Variants in AATK observed in about 807,000 individuals in gnomAD.
AATK encodes serine/threonine-protein kinase LMTK1.
In AATK, 91 loss-of-function variants were observed where a neutral mutation model predicts 114.3. The ratio of observed to expected loss-of-function variants is 0.80; its 90% CI spans 0.67 to 0.95. The LOEUF is 0.95. Among genes scored for constraint, AATK ranks in the 40% least tolerant of loss-of-function variants. The probability of loss-of-function intolerance (pLI) is 0.00; values close to 1 mark genes in which losing one functional copy is unlikely to be tolerated. For synonymous variants in AATK, 1,075 were observed against 916.5 expected (o/e 1.17, Z -3.12); for missense variants, 2,176 against 1,965.2 (o/e 1.11, Z -2.03).
At chr17:81,119,904 G>T in intron 12 of AATK, 32 bp downstream of exon 12, 1 of 1,403,576 alleles carries the variant, frequency 7.1e-7, no homozygotes, top group Non-Finnish European at 9.2e-7. Flanking sequence ...TGCCTCCCGT[G>T]ACGTCACGGG....
At chr17:81,135,537 C>G (rs1054441185) in intron 1 of AATK, among the ~76,000 whole-genome samples, 1 of 152,184 alleles carries the variant, frequency 6.6e-6, no homozygotes, top group Non-Finnish European at 1.5e-5. Context: ...CCCTCAACAC[C>G]CCATCTCCTG....
intron 1 of AATK, among the ~76,000 whole-genome samples, chr17:81,137,785 CACTA>C: frequency 6.6e-6 from 1 of 152,008 alleles, no homozygotes; most frequent in Non-Finnish European, 1.5e-5. Flanking sequence ...CATGTGCACA[CACTA>C]TACACAGGCC....
At chr17:81,146,436 C>T (rs1246087051) in intron 1 of AATK, among the ~76,000 whole-genome samples, 1 of 152,084 alleles carries the variant, frequency 6.6e-6, no homozygotes, top group African/African-American at 2.4e-5. Flanking sequence ...CCCAACCCGG[C>T]AGGGCACGGT....
chr17:81,137,399 G>T (rs1305280542), intron 1 of AATK, among the ~76,000 whole-genome samples: 1 of 152,196 alleles, frequency 6.6e-6, no homozygotes, highest in South Asian at 2.1e-4. Flanking sequence ...GGCAGAGGAG[G>T]GGGGGTTCCC....
intron 2 of AATK, among the ~76,000 whole-genome samples, chr17:81,132,315 G>A (rs1274420095): frequency 6.6e-6 from 1 of 152,228 alleles, no homozygotes; most frequent in Non-Finnish European, 1.5e-5. Flanking sequence ...GGACAGGCAG[G>A]TGCAGTGGGA....
chr17:81,128,879 C>T, intron 3 of AATK: 1 of 1,164,024 alleles, frequency 8.6e-7, no homozygotes, highest in East Asian at 5.5e-5. Flanking sequence ...ACCAGGCAGG[C>T]AGTGTGGCTG....
chr17:81,150,979 T>C (rs1340050342), intron 1 of AATK, among the ~76,000 whole-genome samples: 1 of 152,096 alleles, frequency 6.6e-6, no homozygotes, highest in African/African-American at 2.4e-5. Context: ...GTGGTCCCCA[T>C]TGTCTGTTAC....
intron 1 of AATK, among the ~76,000 whole-genome samples, chr17:81,159,108 G>A (rs1199386876): frequency 6.6e-6 from 1 of 152,194 alleles, no homozygotes; most frequent in Non-Finnish European, 1.5e-5. Flanking sequence ...TTCTGTCAGG[G>A]GCAGGGATGC....
chr17:81,159,829 C>T (rs1030260784), intron 1 of AATK, among the ~76,000 whole-genome samples: 3 of 152,082 alleles, frequency 2.0e-5, no homozygotes, highest in African/African-American at 7.2e-5. Flanking sequence ...AGCTCCCCTG[C>T]CCCCCAGCCT....
chr17:81,153,541 C>T (rs1385323527), intron 1 of AATK, among the ~76,000 whole-genome samples: 2 of 152,138 alleles, frequency 1.3e-5, no homozygotes, highest in Non-Finnish European at 2.9e-5. Flanking sequence ...CTGCATTTGC[C>T]CTAAGAAGCC....
rs1288480223 is a variant in AATK at position 81,117,780 on chromosome 17, TC to T, written c.*621del. On this transcript the variant is annotated 3_prime_UTR_variant, in exon 14 of 14. Coordinates refer to ENST00000326724, the MANE Select transcript of AATK (RefSeq NM_001080395.3). ...CGGGACCCAGGTGGGAGCAGCCTGT[TC>T]CCTGTGGGAAGGGTGGGCTTACGGG... 1.3e-5 allele frequency: 2 copies of T among 152,308 alleles called. No homozygotes were observed. Among genetic ancestry groups the T allele is most frequent in the African/African-American group, 2.4e-5 (1 of 41,464 alleles). 9.4% of individuals were successfully genotyped at this position (152,308 alleles called of 1,614,324 possible).
intron 3 of AATK, among the ~76,000 whole-genome samples, chr17:81,130,632 G>A (rs946232872): frequency 6.6e-6 from 1 of 152,174 alleles, no homozygotes; most frequent in African/African-American, 2.4e-5. Flanking sequence ...AAGGGGGCAG[G>A]AATCTGGGGT....
intron 3 of AATK, chr17:81,128,983 G>T (rs992077996): frequency 1.7e-5 from 17 of 989,976 alleles, no homozygotes; most frequent in African/African-American, 1.7e-5. Context: ...CGCACCAAAG[G>T]CTCCTTTGTT....
intron 3 of AATK, among the ~76,000 whole-genome samples, chr17:81,129,813 C>T (rs758787575): frequency 2.6e-5 from 4 of 152,168 alleles, no homozygotes; most frequent in Admixed American, 6.5e-5. Flanking sequence ...CACAGCCATC[C>T]GGGAAGGTCC....
At chr17:81,156,863 G>A (rs1421497541) in intron 1 of AATK, among the ~76,000 whole-genome samples, 8 of 152,078 alleles carry the variant, frequency 5.3e-5, no homozygotes, top group Non-Finnish European at 8.8e-5. Flanking sequence ...ACCCCTCCTC[G>A]GCCCTGATCG....
rs987602981 is a variant in AATK at position 81,128,643 on chromosome 17, T to C, written c.335-94A>G. 4.1e-5 allele frequency: 63 copies of C among 1,529,894 alleles called. No homozygotes were observed. The African/African-American group carries it at 7.3e-4, about 18-fold the overall frequency. The allele number at this position is 1,529,894 out of a possible 1,614,324, so 94.8% of individuals were successfully genotyped here. ...CTGGAGGGGCTGCCCGCTTGGCCTTTTCTGGGAAACTGTCCTGAGTCCCTA... is the reference window on the plus strand; with the variant it reads ...CTGGAGGGGCTGCCCGCTTGGCCTTCTCTGGGAAACTGTCCTGAGTCCCTA... On this transcript the variant is annotated intron_variant, in intron 3 of 13. Coordinates refer to ENST00000326724, the MANE Select transcript of AATK (RefSeq NM_001080395.3).
intron 1 of AATK, among the ~76,000 whole-genome samples, chr17:81,148,444 G>A (rs548320464): frequency 9.2e-5 from 14 of 152,284 alleles, no homozygotes; most frequent in East Asian, 7.7e-4. Flanking sequence ...GCCCACCCCC[G>A]TCCACAGGGA....
At chr17:81,133,272 A>G (rs2060962700) in intron 2 of AATK, 1 of 470,112 alleles carries the variant, frequency 2.1e-6, no homozygotes, top group Admixed American at 2.4e-5. Flanking sequence ...CAAAAAGGCC[A>G]CATCCAGCAC....
intron 1 of AATK, among the ~76,000 whole-genome samples, chr17:81,165,296 C>T (rs576655160): frequency 3.3e-5 from 5 of 152,336 alleles, no homozygotes; most frequent in East Asian, 3.9e-4. Context: ...TCGCCCTGCC[C>T]GGTGCACTGG....
Sources: gnomAD v4.1 joint callset for allele counts (sites outside exome capture counted in the v4.1 genomes callset) on GRCh38, gnomAD v4.1.1 for gene constraint, MANE v1.5 for transcripts, NCBI Gene and HGNC (gene_info 2026-07-23, HGNC 2026-07-21) for gene names.